CADPS: variants seen among roughly 807,000 people sequenced by gnomAD.
The protein encoded by CADPS is calcium dependent secretion activator.
CADPS carries 57 observed loss-of-function variants against 167.3 expected under a neutral mutation model. That is an observed-to-expected ratio of 0.34 (90% CI 0.28 to 0.42). CADPS has a LOEUF of 0.42. Among genes scored for constraint, CADPS ranks in the 20% least tolerant of loss-of-function variants. The pLI, the probability that CADPS is intolerant of heterozygous loss-of-function variation, is 1.00. For missense variants in CADPS, 1,414 were observed against 1,738.1 expected, an observed-to-expected ratio of 0.81 and a Z score of 3.32; for synonymous variants, 676 against 635.3, an observed-to-expected ratio of 1.06 and a Z score of -0.96.
At chr3:62,401,212 C>A (rs1215985742) in intron 29 of CADPS, among the ~76,000 whole-genome samples, 2 of 152,202 alleles carry the variant, frequency 1.3e-5, no homozygotes, top group African/African-American at 4.8e-5. Context: ...GATATCTACA[C>A]AATTAACTTA....
chr3:62,857,055 G>C (rs567252915), intron 1 of CADPS, among the ~76,000 whole-genome samples: 1 of 151,746 alleles, frequency 6.6e-6, no homozygotes, highest in African/African-American at 2.4e-5. Flanking sequence ...ACATAAAAAC[G>C]GTCCATCACA....
intron 8 of CADPS, among the ~76,000 whole-genome samples, chr3:62,573,816 T>C (rs2081764958): frequency 6.6e-6 from 1 of 152,228 alleles, no homozygotes. Flanking sequence ...CCTACTGAAC[T>C]GTGAGTTTCT....
rs1049173323 is a variant in CADPS, at chr3:62,813,813, C to G, written c.442-47829G>C. Reference sequence around the variant, plus strand: ...GGGCAAAGGACATGAACAGACACTTCTCAAAAGAAAACATACAAGTGGCCA... The same window carrying G: ...GGGCAAAGGACATGAACAGACACTTGTCAAAAGAAAACATACAAGTGGCCA... On this transcript the variant is annotated intron_variant, in intron 1 of 29. Coordinates refer to ENST00000383710, the MANE Select transcript of CADPS (RefSeq NM_003716.4). Among the ~76,000 whole-genome samples the G allele has an allele frequency of 3.3e-5, 5 of 152,228 alleles. No individual in the cohort carries two copies. The South Asian group carries it at 1.0e-3, about 32-fold the overall frequency.
intron 8 of CADPS, among the ~76,000 whole-genome samples, chr3:62,577,812 G>A (rs2082587013): frequency 6.6e-6 from 1 of 152,170 alleles, no homozygotes; most frequent in African/African-American, 2.4e-5. Flanking sequence ...AGTGGTTGTG[G>A]CAGGAATTGC....
At chr3:62,452,933 G>A (rs534351189) in intron 26 of CADPS, among the ~76,000 whole-genome samples, 1 of 152,016 alleles carries the variant, frequency 6.6e-6, no homozygotes, top group African/African-American at 2.4e-5. Context: ...GGGCAAAATA[G>A]GGAGACCTCA....
Position 62,874,389 on chromosome 3 carries a change from C to T in CADPS, c.441+200G>A, listed in dbSNP as rs1174280319. Among the ~76,000 whole-genome samples the T allele has an allele frequency of 1.3e-5, 2 of 152,180 alleles. No homozygotes were observed. Among genetic ancestry groups the T allele is most frequent in the South Asian group, 4.1e-4 (2 of 4,836 alleles). On this transcript the variant is annotated intron_variant, in intron 1 of 29. Coordinates refer to ENST00000383710, the MANE Select transcript of CADPS (RefSeq NM_003716.4). The surrounding 1 kb of genome is among the most constrained non-coding windows in gnomAD (Gnocchi z 7.1). ...CGCGGCCCTCGCCGGTCCCAGTCAG[C>T]TCCAGGAGCGCTCCAGGCTGGGTTG...
At chr3:62,587,518 G>T (rs2084903698) in intron 7 of CADPS, among the ~76,000 whole-genome samples, 1 of 152,224 alleles carries the variant, frequency 6.6e-6, no homozygotes, top group Non-Finnish European at 1.5e-5. Flanking sequence ...TGGGAAGCCA[G>T]AAAGGGAGGT....
At chr3:62,540,650 T>C (rs1450067107) in intron 11 of CADPS, among the ~76,000 whole-genome samples, 3 of 152,178 alleles carry the variant, frequency 2.0e-5, no homozygotes, top group Non-Finnish European at 4.4e-5. Flanking sequence ...CATACATGTC[T>C]AGGACCATAT....
In CADPS at chr3:62,549,966, C is replaced by T; in HGVS notation, c.1903G>A (p.Val635Ile). The T allele has an allele frequency of 6.2e-7, 1 of 1,614,092 alleles. No homozygotes were observed. Among genetic ancestry groups the T allele is most frequent in the Non-Finnish European group, 8.5e-7 (1 of 1,179,974 alleles). Residue 635 changes from valine (V) to isoleucine (I), a missense_variant, in exon 11 of 30, where the codon GTC (valine) becomes ATC (isoleucine). Val to Ile is a conservative substitution (Grantham distance 29, BLOSUM62 3). Around this residue, in one of 6 missense-constraint regions of CADPS, gnomAD observed 529 missense variants for 629.6 expected, o/e 0.84. Coordinates refer to ENST00000383710, the MANE Select transcript of CADPS (RefSeq NM_003716.4). ...CCTCCCTTGGCGTTGAGTTTCTGGA[C>T]TTGGGTCGGGGGCACAGGCTTGTGT... ...QSHKPVPPTQ[V>I]QKLNAKGGNV... is the part of the protein sequence containing the mutation.
intron 1 of CADPS, among the ~76,000 whole-genome samples, chr3:62,842,044 A>G (rs1003973867): frequency 6.6e-6 from 1 of 152,222 alleles, no homozygotes; most frequent in Non-Finnish European, 1.5e-5. Context: ...TTGAAACCAC[A>G]TCTAAGCAGC....
Position 62,681,104 on chromosome 3 carries a change from C to T in CADPS, c.889-18710G>A, listed in dbSNP as rs141072199. Among the ~76,000 whole-genome samples the T allele has an allele frequency of 3.3e-5, 5 of 152,132 alleles. No homozygotes were observed. In the East Asian group the frequency reaches 9.7e-4, roughly 30 times the overall value. ...GACACAGTTTTCTTGGCTGGGAACA[C>T]ATCTGTGCATGACTAGGATCTCCTG... On this transcript the variant is annotated intron_variant, in intron 3 of 29. Coordinates refer to ENST00000383710, the MANE Select transcript of CADPS (RefSeq NM_003716.4).
intron 11 of CADPS, among the ~76,000 whole-genome samples, chr3:62,548,222 T>A (rs922916666): frequency 6.6e-6 from 1 of 151,866 alleles, no homozygotes; most frequent in Non-Finnish European, 1.5e-5. Flanking sequence ...TGTCATACTT[T>A]AAAAAAAACA....
rs2065290863 is a variant in CADPS at position 62,499,146 on chromosome 3, C to T, written c.2706+16G>A. 1.3e-6 allele frequency: 2 copies of T among 1,548,718 alleles called. No homozygotes were observed. The highest frequency in any genetic ancestry group is 1.7e-4 in the Middle Eastern group (1 of 5,922). ...CTAAGGGACAGTAAGATACACTTCC[C>T]ACCAAGCCTGCTCACCTCTGCGTGG... On this transcript the variant is annotated intron_variant, in intron 18 of 29. Coordinates refer to ENST00000383710, the MANE Select transcript of CADPS (RefSeq NM_003716.4).
At chr3:62,686,302 A>C (rs1274154126) in intron 3 of CADPS, among the ~76,000 whole-genome samples, 1 of 152,080 alleles carries the variant, frequency 6.6e-6, no homozygotes, top group Non-Finnish European at 1.5e-5. Context: ...GTCTTCCTGC[A>C]GAGGGAAAAC....
At chr3:62,863,100 AC>A (rs1430486801) in intron 1 of CADPS, among the ~76,000 whole-genome samples, 2 of 152,250 alleles carry the variant, frequency 1.3e-5, no homozygotes, top group African/African-American at 4.8e-5. Context: ...TATTATATAT[AC>A]ATACAATCTG....
rs371272241 is a variant in CADPS, at chr3:62,823,764, G to A, written c.441+50825C>T. ...GAGGTAAGCCTTAATCTCTTTAATC[G>A]TCTCATCCATGATGTCTTTGAATAA... On this transcript the variant is annotated intron_variant, in intron 1 of 29. Transcript: ENST00000383710. Among the ~76,000 whole-genome samples, 20 of 152,160 alleles carry A rather than the reference G, an allele frequency of 1.3e-4. 1 individual carries two copies. The highest frequency in any genetic ancestry group is 2.9e-4 in the African/African-American group (12 of 41,508).
chr3:62,684,868 G>A (rs1305298601), intron 3 of CADPS, among the ~76,000 whole-genome samples: 1 of 151,952 alleles, frequency 6.6e-6, no homozygotes, highest in Admixed American at 6.6e-5. Context: ...CAGTTTCTGG[G>A]AAAGGGGCTT....
Position 62,874,600 on chromosome 3 carries a change from G to T in CADPS, c.430C>A (p.Arg144=), listed in dbSNP as rs759170162. The change falls in exon 1 of 30, where the codon CGG becomes AGG. Residue 144 remains arginine (R), a synonymous_variant. Coordinates refer to ENST00000383710, the MANE Select transcript of CADPS (RefSeq NM_003716.4). The surrounding 1 kb of genome is among the most constrained non-coding windows in gnomAD (Gnocchi z 7.1). The part of the protein sequence containing the change: ...NAKQPTDMAR[R]QQKISKQQLQ... The stretch of plus-strand genomic sequence containing the variant: ...CCAGGCGCACCTACCTTCTGCTGCC[G>T]GCGAGCCATGTCGGTGGGCTGCTTG... 23 of 1,552,914 alleles carry T rather than the reference G, an allele frequency of 1.5e-5. No homozygotes were observed. Among genetic ancestry groups the T allele is most frequent in the Non-Finnish European group, 2.0e-5 (23 of 1,147,854 alleles).
At chr3:62,687,000 C>T (rs35941950) in intron 3 of CADPS, among the ~76,000 whole-genome samples, 16,069 of 152,130 alleles carry the variant, frequency 0.11, 925 homozygotes, top group Non-Finnish European at 0.12. Context: ...ATGATGGTGA[C>T]AGCTGTGGGC....
Sources: allele counts gnomAD v4.1 joint callset (sites outside exome capture counted in the v4.1 genomes callset), GRCh38; gene constraint gnomAD v4.1.1; regional missense constraint gnomAD v4.1.1; non-coding constraint Gnocchi (gnomAD v3.1); transcripts MANE v1.5; gene names NCBI Gene and HGNC (gene_info 2026-07-23, HGNC 2026-07-21).